The following CRTC2 variants were observed in gnomAD, a reference collection of about 807,000 sequenced individuals.
CRTC2 encodes CREB-regulated transcription coactivator 2.
A neutral mutation model predicts 70.9 loss-of-function variants in CRTC2; 25 were observed. The observed-to-expected ratio is 0.35, with a 90% CI of 0.26 to 0.49. CRTC2 has a LOEUF of 0.49. Among genes scored for constraint, CRTC2 ranks in the 20% least tolerant of loss-of-function variants. The probability of loss-of-function intolerance (pLI) is 0.98; values close to 1 mark genes in which losing one functional copy is unlikely to be tolerated. For missense variants in CRTC2, 737 were observed against 882.6 expected, an observed-to-expected ratio of 0.83 and a Z score of 2.09; for synonymous variants, 330 against 364.1, an observed-to-expected ratio of 0.91 and a Z score of 1.07.
chr1:153,954,201 T>G, intron 4 of CRTC2, 54 bp downstream of exon 4: 2 of 1,429,106 alleles, frequency 1.4e-6, no homozygotes, highest in Non-Finnish European at 2.0e-6. Flanking sequence ...GGCAACTCCT[T>G]CCAGAAACAC....
rs1553208420 is a variant in CRTC2, at chr1:153,952,196, G to A, written c.819C>T (p.Gly273=). 1.2e-6 allele frequency: 2 copies of A among 1,613,546 alleles called. No individual in the cohort carries two copies. The highest frequency in any genetic ancestry group is 3.3e-5 in the Admixed American group (2 of 59,994). Residue 273 remains glycine, a synonymous_variant, in exon 10 of 14, where the codon GGC becomes GGT. Coordinates refer to ENST00000368633, the MANE Select transcript of CRTC2 (RefSeq NM_181715.3). ...GCAGGTTGGTGAGGTCAGGTAGGGA[G>A]CCCCCCGTGTTCATGGCAGGTGGGA... The part of the protein sequence containing the change: ...PVLPPAMNTG[G]SLPDLTNLHF...
chr1:153,951,676 C>T lies in CRTC2; in HGVS notation c.998-10G>A. On this transcript the variant is annotated splice_polypyrimidine_tract_variant and intron_variant, in intron 10 of 13. Coordinates refer to ENST00000368633, the MANE Select transcript of CRTC2 (RefSeq NM_181715.3). ...AGAGGTGAATGAAGTCCTGCAGGCA[C>T]AGACAAAAAACCAGAGATGCCAACA... 1 of 1,610,934 alleles carries T rather than the reference C, an allele frequency of 6.2e-7. No homozygotes were observed. The highest frequency in any genetic ancestry group is 8.5e-7 in the Non-Finnish European group (1 of 1,178,666).
chr1:153,947,680 TATG>T lies in CRTC2; in HGVS notation c.*426_*428del, dbSNP rs1354597353. 2.0e-5 allele frequency: 3 copies of T among 153,112 alleles called. No homozygotes were observed. The highest frequency in any genetic ancestry group is 1.9e-4 in the East Asian group (1 of 5,222). The allele number at this position is 153,112 out of a possible 1,614,324, so 9.5% of individuals were successfully genotyped here. A position where few individuals can be genotyped will look rare whatever the true frequency, so the allele number is the denominator to read the frequency against. Reference sequence around the variant, plus strand: ...ATAACTAACCACACCAAGGGTTTGATATGATTTTTTTATTAACATATAATAATA... The same window carrying T: ...ATAACTAACCACACCAAGGGTTTGATATTTTTTTATTAACATATAATAATA... On this transcript the variant is annotated 3_prime_UTR_variant, in exon 14 of 14. Coordinates refer to ENST00000368633, the MANE Select transcript of CRTC2 (RefSeq NM_181715.3).
chr1:153,953,630 G>C, intron 4 of CRTC2, 24 bp from the exon 5 acceptor site: 1 of 1,573,878 alleles, frequency 6.4e-7, no homozygotes, highest in Non-Finnish European at 8.7e-7. Flanking sequence ...ACAAAGTCAT[G>C]AGGAGGAAGG....
chr1:153,950,492 A>T (rs1308597360), intron 11 of CRTC2, among the ~76,000 whole-genome samples: 1 of 152,214 alleles, frequency 6.6e-6, no homozygotes, highest in Non-Finnish European at 1.5e-5. Flanking sequence ...GGAGGAGGAA[A>T]AGTTGGGCAG....
intron 1 of CRTC2, 115 bp downstream of exon 1, chr1:153,958,230 G>T: frequency 6.9e-7 from 1 of 1,444,408 alleles, no homozygotes; most frequent in South Asian, 1.4e-5. Context: ...GGCGGCGCCC[G>T]CGTCCCCTGC....
intron 1 of CRTC2, among the ~76,000 whole-genome samples, chr1:153,955,597 C>T (rs1366643749): frequency 1.4e-5 from 2 of 142,692 alleles, no homozygotes; most frequent in African/African-American, 5.2e-5. Flanking sequence ...AGGATCACTT[C>T]AGCCCAGGAA....
At chr1:153,951,712 GA>G (rs778888780) in intron 10 of CRTC2, 46 bp from the exon 11 acceptor site, 1 of 1,593,170 alleles carries the variant, frequency 6.3e-7, no homozygotes, top group African/African-American at 1.3e-5. Context: ...TTACTGATGG[GA>G]ACTGAGCCCC....
chr1:153,951,585 T>A lies in CRTC2; in HGVS notation c.1079A>T (p.Gln360Leu). 6.2e-7 allele frequency: 1 copy of A among 1,613,138 alleles called. No individual in the cohort carries two copies. The highest frequency in any genetic ancestry group is 1.1e-5 in the South Asian group (1 of 91,060). The change falls in exon 11 of 14, where the codon CAG (glutamine) becomes CTG (leucine). Residue 360 changes from glutamine (Q) to leucine (L), a missense_variant. By Grantham distance (113) the Gln-to-Leu change is moderately radical. Transcript: ENST00000368633. Reference protein sequence around the residue: ...PNLQASLSSPQPQLQGSHSHP... With the variant: ...PNLQASLSSPLPQLQGSHSHP... ...GCTGTGGGAGCCCTGAAGCTGGGGC[T>A]GAGGACTGCTCAGGGAAGCCTGGAG...
At chr1:153,956,187 G>C (rs547242384) in intron 1 of CRTC2, among the ~76,000 whole-genome samples, 1 of 152,338 alleles carries the variant, frequency 6.6e-6, no homozygotes, top group African/African-American at 2.4e-5. Flanking sequence ...TGGAAAAACA[G>C]CACCAAAACC....
chr1:153,950,793 G>T (rs567115116), intron 11 of CRTC2, among the ~76,000 whole-genome samples: 16 of 152,288 alleles, frequency 1.1e-4, no homozygotes, highest in African/African-American at 3.6e-4. Context: ...GGATACAGGG[G>T]AGGAGACGGG....
Position 153,955,080 on chromosome 1 carries a change from G to A in CRTC2, c.240C>T (p.Gly80=), listed in dbSNP as rs772017269. The A allele has an allele frequency of 1.2e-6, 2 of 1,614,134 alleles. No homozygotes were observed. Among genetic ancestry groups the A allele is most frequent in the South Asian group, 1.1e-5 (1 of 91,080 alleles). ...GTCTACTCACCTGGAACTCGGCCAG[G>A]CCAGAGCCAATCTGGTTAACATTGG... ...SLPNVNQIGS[G]LAEFQSPLHS... The change falls in exon 2 of 14, where the codon GGC becomes GGT. Residue 80 remains glycine, a synonymous_variant. Coordinates refer to ENST00000368633, the MANE Select transcript of CRTC2 (RefSeq NM_181715.3).
At chr1:153,952,984 C>G (rs1357317148) in intron 6 of CRTC2, 150 bp from the exon 7 acceptor site, 7 of 935,666 alleles carry the variant, frequency 7.5e-6, no homozygotes, top group Non-Finnish European at 1.2e-5. Context: ...GAGTTCAAGA[C>G]CAGCCTGGCC....
chr1:153,954,771 G>A (rs1440400208), intron 3 of CRTC2, 102 bp downstream of exon 3: 6 of 1,005,634 alleles, frequency 6.0e-6, no homozygotes, highest in Non-Finnish European at 9.2e-6. Context: ...AGAGCTCCAA[G>A]AGAAGGAAGG....
rs1680107212 is a variant in CRTC2 at position 153,948,075 on chromosome 1, T to A, written c.*34A>T. The stretch of plus-strand genomic sequence containing the variant: ...GGAGGAAAGGAATGGTGGTGGGGGA[T>A]GGGGCCAAGAAGAGGGATGGTGATG... On this transcript the variant is annotated 3_prime_UTR_variant, in exon 14 of 14. Transcript: ENST00000368633. 1 of 1,599,212 alleles carries A rather than the reference T, an allele frequency of 6.3e-7. No individual in the cohort carries two copies. Among genetic ancestry groups the A allele is most frequent in the South Asian group, 1.1e-5 (1 of 90,618 alleles).
chr1:153,958,543 GCCTCCGCCGCGGCCTCGGCCCGGCT>G lies in CRTC2; in HGVS notation c.-71_-47del. 2 of 1,525,834 alleles carry G rather than the reference GCCTCCGCCGCGGCCTCGGCCCGGCT, an allele frequency of 1.3e-6. No individual in the cohort carries two copies. Among genetic ancestry groups the G allele is most frequent in the South Asian group, 2.4e-5 (2 of 82,494 alleles). 94.5% of individuals were successfully genotyped at this position (1,525,834 alleles called of 1,614,324 possible). ...TGCCACCCTCCCAGTACCAGCCGCG[GCCTCCGCCGCGGCCTCGGCCCGGCT>G]CCTCCAGCCGTAGCCACCGCCGCCT... On this transcript the variant is annotated 5_prime_UTR_variant, in exon 1 of 14. Coordinates refer to ENST00000368633, the MANE Select transcript of CRTC2 (RefSeq NM_181715.3).
chr1:153,954,445 A>C, intron 3 of CRTC2, 129 bp from the exon 4 acceptor site: 2 of 705,160 alleles, frequency 2.8e-6, no homozygotes, highest in Non-Finnish European at 5.1e-6. Flanking sequence ...TATAAGGGAC[A>C]ACAATAGGAT....
In CRTC2 at chr1:153,958,375, C is replaced by T. The variant is rs1680755535; in HGVS notation, c.123G>A (p.Glu41=). The stretch of plus-strand genomic sequence containing the variant: ...TGGAGCCGATGTCCATCATCACCTC[C>T]TCGAAGGCCGCCGTCTCCTCGGCCT... ...QRQAEETAAF[E]EVMMDIGSTR... is the part of the protein sequence containing the mutation. Residue 41 remains glutamate, a synonymous_variant, in exon 1 of 14, where the codon GAG becomes GAA. Transcript: ENST00000368633. The T allele has an allele frequency of 6.2e-7, 1 of 1,612,914 alleles. No homozygotes were observed. The highest frequency in any genetic ancestry group is 1.3e-5 in the African/African-American group (1 of 74,932).
chr1:153,953,139 C>A (rs771718478), intron 6 of CRTC2, 127 bp downstream of exon 6: 8 of 596,526 alleles, frequency 1.3e-5, no homozygotes, highest in Non-Finnish European at 2.3e-5. Flanking sequence ...GCCGAGATCA[C>A]GCCACTGCAC....
Sources: gnomAD v4.1 joint callset for allele counts (sites outside exome capture counted in the v4.1 genomes callset) on GRCh38, gnomAD v4.1.1 for gene constraint, MANE v1.5 for transcripts, NCBI Gene and HGNC (gene_info 2026-07-23, HGNC 2026-07-21) for gene names.